Variants in CCDC30 observed in about 807,000 individuals in gnomAD.
CCDC30 encodes coiled-coil domain-containing protein 30.
Under a neutral mutation model 100.2 loss-of-function variants are expected in CCDC30, and 70 were observed. That is an observed-to-expected ratio of 0.70 (90% CI 0.58 to 0.85). The LOEUF is 0.85. CCDC30 is among the 40% of genes least tolerant of loss of function. CCDC30 has a pLI of 0.00. For synonymous variants in CCDC30, 233 were observed against 269.5 expected (o/e 0.86, Z 1.33); for missense variants, 652 against 771.2 (o/e 0.85, Z 1.83).
Position 42,567,524 on chromosome 1 carries a change from C to G in CCDC30, c.636+1049C>G, listed in dbSNP as rs559854231. On this transcript the variant is annotated intron_variant, in intron 7 of 16. Transcript: ENST00000668663. ...AAAACAAATATCCGTTTATCCCAAA[C>G]TTCAAGGAAGGCCTTCTAAGGGAGT... 3.3e-5 allele frequency among the ~76,000 whole-genome samples: 5 copies of G among 152,344 alleles called. No homozygotes were observed. The South Asian group carries it at 1.0e-3, about 32-fold the overall frequency.
At chr1:42,530,270 C>T (rs555362477) in intron 6 of CCDC30, among the ~76,000 whole-genome samples, 81 of 152,296 alleles carry the variant, frequency 5.3e-4, no homozygotes, top group Non-Finnish European at 9.1e-4. Flanking sequence ...AGGATAAGTA[C>T]AGTACAATAA....
intron 6 of CCDC30, among the ~76,000 whole-genome samples, chr1:42,554,765 A>T (rs946821615): frequency 6.6e-5 from 10 of 152,028 alleles, no homozygotes; most frequent in African/African-American, 2.4e-4. Context: ...TTGAAGGTGC[A>T]TTCCCTCCTC....
intron 11 of CCDC30, among the ~76,000 whole-genome samples, chr1:42,630,617 G>A (rs1388673778): frequency 6.6e-6 from 1 of 151,834 alleles, no homozygotes; most frequent in Non-Finnish European, 1.5e-5. Context: ...CCTGACCTCA[G>A]GTGACCTGCC....
intron 4 of CCDC30, among the ~76,000 whole-genome samples, chr1:42,493,973 G>A (rs1644187668): frequency 6.6e-6 from 1 of 152,172 alleles, no homozygotes; most frequent in South Asian, 2.1e-4. Context: ...CAGCACTTTG[G>A]GAGGCCAAGG....
intron 15 of CCDC30, among the ~76,000 whole-genome samples, chr1:42,652,513 A>T (rs1433542024): frequency 6.6e-6 from 1 of 152,236 alleles, no homozygotes. Flanking sequence ...AAAATTTGAA[A>T]AAACTTTCTG....
intron 1 of CCDC30, among the ~76,000 whole-genome samples, chr1:42,466,261 C>A (rs1449121325): frequency 1.3e-5 from 2 of 152,138 alleles, no homozygotes; most frequent in Non-Finnish European, 2.9e-5. Flanking sequence ...TGCTCAGAGG[C>A]AGGAGATGTG....
rs145368128 is a variant in CCDC30, at chr1:42,579,016, G to C, written c.846+1787G>C. On this transcript the variant is annotated intron_variant, in intron 8 of 16. Coordinates refer to ENST00000668663, the Ensembl canonical transcript of CCDC30. ...TTTTTTTGTTTTTGTTTTTGAGACA[G>C]AGTCTCGCTCTGTCACCAGACTGGA... 5.7e-3 allele frequency among the ~76,000 whole-genome samples: 871 copies of C among 152,154 alleles called. 9 individuals carry two copies. Among genetic ancestry groups the C allele is most frequent in the Non-Finnish European group, 9.5e-3 (649 of 68,004 alleles).
chr1:42,572,395 G>GT (rs1645750799), intron 7 of CCDC30, among the ~76,000 whole-genome samples: 1 of 151,718 alleles, frequency 6.6e-6, no homozygotes, highest in Non-Finnish European at 1.5e-5. Flanking sequence ...ATTTATAGAA[G>GT]TTTTTTAAAT....
intron 11 of CCDC30, among the ~76,000 whole-genome samples, chr1:42,635,764 C>T (rs1419392880): frequency 2.0e-5 from 3 of 149,826 alleles, no homozygotes; most frequent in African/African-American, 7.4e-5. Flanking sequence ...GCCAAGATCG[C>T]ACCACTGCAC....
chr1:42,474,990 A>C (rs1291660389), intron 1 of CCDC30, among the ~76,000 whole-genome samples: 1 of 152,212 alleles, frequency 6.6e-6, no homozygotes, highest in African/African-American at 2.4e-5. Context: ...AGCAGTATAA[A>C]CCTAATTATT....
chr1:42,468,405 A>G (rs1472218226), intron 1 of CCDC30, among the ~76,000 whole-genome samples: 1 of 152,112 alleles, frequency 6.6e-6, no homozygotes, highest in African/African-American at 2.4e-5. Context: ...AGGAGCAAGA[A>G]AGGGGGCATC....
intron 6 of CCDC30, among the ~76,000 whole-genome samples, chr1:42,501,094 C>A (rs1324643152): frequency 6.6e-6 from 1 of 152,214 alleles, no homozygotes; most frequent in African/African-American, 2.4e-5. Flanking sequence ...TTTAAGAAAT[C>A]TTTATCTACT....
chr1:42,654,109 A>T (rs1303412297), exon 17 of CCDC30: 1 of 925,130 alleles, frequency 1.1e-6, no homozygotes. Context: ...CATTGAGAAG[A>T]GTTACCACAG....
chr1:42,550,072 A>G (rs1412641542), intron 6 of CCDC30, among the ~76,000 whole-genome samples: 1 of 151,916 alleles, frequency 6.6e-6, no homozygotes, highest in East Asian at 1.9e-4. Context: ...CCCCAGTCCA[A>G]TCTGTTCAGT....
intron 6 of CCDC30, among the ~76,000 whole-genome samples, chr1:42,538,826 T>C (rs112600355): frequency 1.1e-4 from 16 of 152,244 alleles, no homozygotes; most frequent in Admixed American, 2.6e-4. Flanking sequence ...AAAAGATACA[T>C]CTTAGAAACA....
intron 15 of CCDC30, 51 bp from the exon 20 acceptor site, chr1:42,653,325 C>A: frequency 9.3e-7 from 1 of 1,074,896 alleles, no homozygotes; most frequent in Non-Finnish European, 1.4e-6. Context: ...GATCATATAG[C>A]TAATGGTTTA....
chr1:42,497,081 GTTC>G lies in CCDC30; in HGVS notation c.242-12_242-10del. On this transcript the variant is annotated splice_polypyrimidine_tract_variant and intron_variant, in intron 4 of 16. Transcript: ENST00000668663. ...ACTTTGATCCAGTTGAGTAAACTGT[GTTC>G]TTCTCTGTTTTAGATGCAGCTGACC... 8.3e-7 allele frequency: 1 copy of G among 1,203,718 alleles called. No homozygotes were observed. Among genetic ancestry groups the G allele is most frequent in the Non-Finnish European group, 1.0e-6 (1 of 960,168 alleles). The allele number at this position is 1,203,718 out of a possible 1,614,324, so 74.6% of individuals were successfully genotyped here.
chr1:42,521,911 CTT>C, intron 6 of CCDC30, among the ~76,000 whole-genome samples: 1 of 151,872 alleles, frequency 6.6e-6, no homozygotes, highest in East Asian at 1.9e-4. Context: ...CATGAAATGT[CTT>C]TTTTTATTCT....
chr1:42,650,541 A>G (rs891874959), intron 15 of CCDC30, among the ~76,000 whole-genome samples: 19 of 120,612 alleles, frequency 1.6e-4, no homozygotes, highest in South Asian at 2.6e-4. Context: ...GTGTGTGTGT[A>G]TAACAGAACT....
Sources: gnomAD v4.1 joint callset for allele counts (sites outside exome capture counted in the v4.1 genomes callset) on GRCh38, gnomAD v4.1.1 for gene constraint, MANE v1.5 for transcripts, NCBI Gene and HGNC (gene_info 2026-07-23, HGNC 2026-07-21) for gene names.